Variants in PCGF5 observed in about 807,000 individuals in gnomAD.
PCGF5 encodes polycomb group RING finger protein 5.
A neutral mutation model predicts 44.3 loss-of-function variants in PCGF5; 9 were observed. The ratio of observed to expected loss-of-function variants is 0.20; its 90% CI spans 0.12 to 0.35. The LOEUF is 0.35. PCGF5 is among the 10% of genes least tolerant of loss of function. The pLI is 1.00. For missense variants in PCGF5, 146 were observed against 305.3 expected (o/e 0.48, Z 3.89); for synonymous variants, 95 against 102.5 (o/e 0.93, Z 0.44).
intron 1 of PCGF5, among the ~76,000 whole-genome samples, chr10:91,176,842 T>C (rs1242020677): frequency 5.9e-5 from 9 of 152,234 alleles, no homozygotes; most frequent in Non-Finnish European, 1.2e-4. Flanking sequence ...TTCTTTGCCA[T>C]AGGTTTGAAC....
chr10:91,218,731 C>T (rs990822215), upstream of PCGF5, among the ~76,000 whole-genome samples: 1 of 152,088 alleles, frequency 6.6e-6, no homozygotes, highest in Non-Finnish European at 1.5e-5. Flanking sequence ...CTCCTAGGTT[C>T]AAGCGATTCT....
chr10:91,214,369 C>G (rs1440547877), intron 1 of PCGF5, among the ~76,000 whole-genome samples: 2 of 150,788 alleles, frequency 1.3e-5, no homozygotes, highest in African/African-American at 4.9e-5. Context: ...GATAGATGCA[C>G]AGAGAGAAGA....
At chr10:91,169,064 C>A (rs186171951) in intron 1 of PCGF5, among the ~76,000 whole-genome samples, 4 of 151,544 alleles carry the variant, frequency 2.6e-5, no homozygotes, top group African/African-American at 9.7e-5. Context: ...ACACTAGGCT[C>A]TCCTCAAGCA....
chr10:91,257,260 C>G (rs1374412196), intron 6 of PCGF5, among the ~76,000 whole-genome samples: 2 of 152,042 alleles, frequency 1.3e-5, no homozygotes. Context: ...AATGAGATAT[C>G]ATTTTATACC....
At chr10:91,258,005 A>G (rs1276405650) in intron 6 of PCGF5, among the ~76,000 whole-genome samples, 1 of 152,142 alleles carries the variant, frequency 6.6e-6, no homozygotes, top group Non-Finnish European at 1.5e-5. Context: ...TACAAAATAG[A>G]TGAATCTTGA....
chr10:91,232,225 T>A (rs1217410439), intron 2 of PCGF5, among the ~76,000 whole-genome samples: 2 of 152,144 alleles, frequency 1.3e-5, no homozygotes, highest in Admixed American at 1.3e-4. Flanking sequence ...AATGCATAGG[T>A]CATGGTGGTC....
At chr10:91,241,700 A>G (rs1247784951) in intron 3 of PCGF5, among the ~76,000 whole-genome samples, 3 of 152,160 alleles carry the variant, frequency 2.0e-5, no homozygotes, top group Admixed American at 6.5e-5. Context: ...ACTCATCTAA[A>G]GATAGAGCTA....
At chr10:91,238,616 T>TCTTTC (rs1564645053) in intron 2 of PCGF5, among the ~76,000 whole-genome samples, 7 of 136,234 alleles carry the variant, frequency 5.1e-5, no homozygotes, top group Non-Finnish European at 6.3e-5. Context: ...TTTTTTTTTT[T>TCTTTC]TTTTTTTTTT....
intron 5 of PCGF5, among the ~76,000 whole-genome samples, chr10:91,249,460 A>G (rs1845567656): frequency 4.8e-5 from 7 of 146,882 alleles, no homozygotes. Flanking sequence ...ATTATAAGAA[A>G]CTAGTATCGC....
Position 91,251,493 on chromosome 10 carries a change from G to A in PCGF5, c.474+53G>A, listed in dbSNP as rs536029712. 3.3e-6 allele frequency: 5 copies of A among 1,528,316 alleles called. No individual in the cohort carries two copies. In the South Asian group the frequency reaches 6.1e-5, roughly 19 times the overall value. 94.7% of individuals were successfully genotyped at this position (1,528,316 alleles called of 1,614,324 possible). On this transcript the variant is annotated intron_variant, in intron 6 of 9. Transcript: ENST00000336126. ...TATGATCAGTTTATAGTAAACCCTT[G>A]ATAATTTGTTGACAAATTTTCTAAT...
chr10:91,256,024 A>T (rs1274885667), intron 6 of PCGF5, among the ~76,000 whole-genome samples: 1 of 152,000 alleles, frequency 6.6e-6, no homozygotes, highest in Non-Finnish European at 1.5e-5. Flanking sequence ...AATATTTTTG[A>T]TCTGTGATTG....
At chr10:91,221,771 T>C (rs895241385) in intron 1 of PCGF5, among the ~76,000 whole-genome samples, 4 of 151,280 alleles carry the variant, frequency 2.6e-5, no homozygotes, top group African/African-American at 9.7e-5. Flanking sequence ...ATCCAGGTTA[T>C]ATATCTACTA....
chr10:91,177,857 G>A (rs760237234), intron 1 of PCGF5, among the ~76,000 whole-genome samples: 1 of 152,212 alleles, frequency 6.6e-6, no homozygotes, highest in Non-Finnish European at 1.5e-5. Context: ...TGCTTCCTGG[G>A]TGAGGCGATG....
At chr10:91,265,395 T>C (rs1846026833) in intron 8 of PCGF5, among the ~76,000 whole-genome samples, 1 of 152,138 alleles carries the variant, frequency 6.6e-6, no homozygotes, top group African/African-American at 2.4e-5. Context: ...TAAGATTGGC[T>C]ATAAGGTTGG....
intron 9 of PCGF5, among the ~76,000 whole-genome samples, chr10:91,274,452 GT>G (rs1307815402): frequency 3.3e-5 from 5 of 152,138 alleles, no homozygotes; most frequent in Admixed American, 6.5e-5. Context: ...TGTAAAGAGG[GT>G]ATTTCAAATT....
At chr10:91,187,505 CAAAT>C (rs763612885) in intron 1 of PCGF5, among the ~76,000 whole-genome samples, 1 of 151,746 alleles carries the variant, frequency 6.6e-6, no homozygotes, top group Non-Finnish European at 1.5e-5. Context: ...TAAGGAAAAA[CAAAT>C]AGTCTTTTCA....
At chr10:91,240,823 G>T (rs1845303530) in intron 3 of PCGF5, among the ~76,000 whole-genome samples, 1 of 151,764 alleles carries the variant, frequency 6.6e-6, no homozygotes, top group Admixed American at 6.6e-5. Flanking sequence ...TAGGCTGTAA[G>T]AGTGACTTTA....
At chr10:91,254,131 G>A (rs1052714013) in intron 6 of PCGF5, among the ~76,000 whole-genome samples, 7 of 151,438 alleles carry the variant, frequency 4.6e-5, no homozygotes, top group East Asian at 1.9e-4. Flanking sequence ...TTAGTAAATC[G>A]TCCTTTCAAA....
upstream of PCGF5, among the ~76,000 whole-genome samples, chr10:91,218,918 G>A (rs758172129): frequency 2.0e-5 from 3 of 152,152 alleles, no homozygotes; most frequent in Non-Finnish European, 4.4e-5. Context: ...ATGAGCCACC[G>A]TGCCAGGCCT....
Sources: gnomAD v4.1 joint callset for allele counts (sites outside exome capture counted in the v4.1 genomes callset) on GRCh38, gnomAD v4.1.1 for gene constraint, MANE v1.5 for transcripts, NCBI Gene and HGNC (gene_info 2026-07-23, HGNC 2026-07-21) for gene names.